Variants in SPECC1 observed in about 807,000 individuals in gnomAD.
SPECC1 encodes the protein sperm antigen with calponin homology and coiled-coil domains 1.
In SPECC1, 62 loss-of-function variants were observed where a neutral mutation model predicts 104.1. The observed-to-expected ratio is 0.60, with a 90% confidence interval of 0.49 to 0.74. SPECC1 has a LOEUF of 0.74. Among genes scored for constraint, SPECC1 ranks in the 30% least tolerant of loss-of-function variants. The probability of loss-of-function intolerance (pLI) is 0.00; values close to 1 mark genes in which losing one functional copy is unlikely to be tolerated. For missense variants in SPECC1, 1,306 were observed against 1,310.5 expected (o/e 1.00, Z 0.05); for synonymous variants, 513 against 501.6 (o/e 1.02, Z -0.30).
intron 2 of SPECC1, among the ~76,000 whole-genome samples, chr17:20,099,299 T>C (rs1185953080): frequency 1.3e-5 from 2 of 152,154 alleles, no homozygotes; most frequent in East Asian, 3.9e-4. Flanking sequence ...AAGCAACATA[T>C]AAACTTAGAT....
At chr17:20,120,023 TC>T (rs1215344269) in intron 3 of SPECC1, among the ~76,000 whole-genome samples, 1 of 152,130 alleles carries the variant, frequency 6.6e-6, no homozygotes, top group African/African-American at 2.4e-5. Context: ...AAATCAGAAA[TC>T]CAGAACACTT....
intron 1 of SPECC1, among the ~76,000 whole-genome samples, chr17:20,091,285 G>A (rs535788481): frequency 6.6e-6 from 1 of 152,210 alleles, no homozygotes; most frequent in East Asian, 1.9e-4. Context: ...CTGAAGTCTG[G>A]GATTCCGTCA....
At chr17:20,185,438 T>TG (rs949375413) in intron 3 of SPECC1, among the ~76,000 whole-genome samples, 8 of 152,216 alleles carry the variant, frequency 5.3e-5, no homozygotes, top group African/African-American at 1.9e-4. Flanking sequence ...GCTACCATGC[T>TG]GGGGAGACTA....
chr17:20,082,059 C>T (rs920622847), intron 1 of SPECC1, among the ~76,000 whole-genome samples: 10 of 152,228 alleles, frequency 6.6e-5, no homozygotes, highest in South Asian at 6.2e-4. Flanking sequence ...CGTTCTGGGC[C>T]TCCGCCATCC....
At chr17:20,254,134 CGTGTGTGTGT>C (rs71357419) in intron 10 of SPECC1, among the ~76,000 whole-genome samples, 65 of 135,970 alleles carry the variant, frequency 4.8e-4, no homozygotes, top group Middle Eastern at 3.7e-3. Flanking sequence ...GTTGTTACAC[CGTGTGTGTGT>C]GTGTGTGTGT....
intron 1 of SPECC1, among the ~76,000 whole-genome samples, chr17:20,035,977 A>G (rs999200560): frequency 5.3e-5 from 8 of 151,104 alleles, no homozygotes; most frequent in African/African-American, 1.9e-4. Flanking sequence ...ATGCCTGGCT[A>G]ATTTATATAT....
intron 5 of SPECC1, among the ~76,000 whole-genome samples, chr17:20,227,965 G>A (rs1290642390): frequency 1.3e-5 from 2 of 151,994 alleles, no homozygotes; most frequent in Admixed American, 6.6e-5. Flanking sequence ...AGTGGGTGAC[G>A]AGGGGGGGTG....
At chr17:20,218,144 C>CTGTA (rs2037626166) in intron 4 of SPECC1, among the ~76,000 whole-genome samples, 1 of 152,178 alleles carries the variant, frequency 6.6e-6, no homozygotes, top group African/African-American at 2.4e-5. Flanking sequence ...TCAAACTGAC[C>CTGTA]TGTATTATAT....
At chr17:20,013,874 G>C (rs1265744067) in intron 1 of SPECC1, among the ~76,000 whole-genome samples, 1 of 151,994 alleles carries the variant, frequency 6.6e-6, no homozygotes, top group Non-Finnish European at 1.5e-5. Flanking sequence ...ATTTGACTTT[G>C]ATTGGCAGTT....
At chr17:20,253,872 T>G (rs2039725020) in intron 10 of SPECC1, among the ~76,000 whole-genome samples, 1 of 152,034 alleles carries the variant, frequency 6.6e-6, no homozygotes, top group Non-Finnish European at 1.5e-5. Context: ...TTGCTTTGTT[T>G]CCCAGGCTGG....
chr17:20,262,417 A>G (rs561606520), intron 12 of SPECC1, among the ~76,000 whole-genome samples: 2 of 152,322 alleles, frequency 1.3e-5, no homozygotes, highest in Admixed American at 1.3e-4. Context: ...TCTCTCCAGC[A>G]ATTTATGAGA....
chr17:20,314,866 T>G lies in SPECC1; in HGVS notation c.*801T>G. 1 of 231,722 alleles carries G rather than the reference T, an allele frequency of 4.3e-6. No homozygotes were observed. Among genetic ancestry groups the G allele is most frequent in the East Asian group, 6.1e-5 (1 of 16,416 alleles). 14.4% of individuals were successfully genotyped at this position (231,722 alleles called of 1,614,324 possible). ...TCACCATCCCTTATTTGATTTATTG[T>G]AGCAAAAGGAAAGCCTGTGAGAATG... On this transcript the variant is annotated 3_prime_UTR_variant, in exon 15 of 15. Transcript: ENST00000395527.
At chr17:20,080,114 G>C (rs993578893) in intron 1 of SPECC1, among the ~76,000 whole-genome samples, 1 of 152,098 alleles carries the variant, frequency 6.6e-6, no homozygotes, top group Non-Finnish European at 1.5e-5. Flanking sequence ...GGACTTAACC[G>C]CAAGTGAGAA....
rs111759927 is a variant in SPECC1, at chr17:20,207,039, G to C, written c.1863+1127G>C. 3.1e-4 allele frequency among the ~76,000 whole-genome samples: 47 copies of C among 152,292 alleles called. 3 individuals carry two copies. Among genetic ancestry groups the C allele is most frequent in the African/African-American group, 1.1e-3 (46 of 41,570 alleles). The stretch of plus-strand genomic sequence containing the variant: ...TTTATGATATTCTGCCCACCTCCCA[G>C]AGCAGTGCTGGAGAGGTGCAGAGAG... On this transcript the variant is annotated intron_variant, in intron 4 of 14. Coordinates refer to ENST00000395527, the MANE Select transcript of SPECC1 (RefSeq NM_001243439.2).
chr17:20,232,206 A>T lies in SPECC1; in HGVS notation c.2152A>T (p.Thr718Ser). ...TGGGCTCTGACATTTTCAGGAGGAG[A>T]CCGAGGAATGGAGGCGGTTCCAGGC... ...KTLTKQMKEE[T>S]EEWRRFQADL... Residue 718 changes from threonine (T) to serine (S), a missense_variant, in exon 7 of 15, where the codon ACC (threonine) becomes TCC (serine). Transcript: ENST00000395527. 2.5e-6 allele frequency: 4 copies of T among 1,613,888 alleles called. No individual in the cohort carries two copies. The highest frequency in any genetic ancestry group is 3.4e-6 in the Non-Finnish European group (4 of 1,180,020).
intron 1 of SPECC1, among the ~76,000 whole-genome samples, chr17:20,043,986 T>G (rs1486064327): frequency 2.0e-5 from 3 of 152,172 alleles, no homozygotes; most frequent in African/African-American, 7.2e-5. Context: ...AATTTTTATA[T>G]TCACAGTATT....
At chr17:20,253,953 C>T (rs2039727789) in intron 10 of SPECC1, among the ~76,000 whole-genome samples, 1 of 152,238 alleles carries the variant, frequency 6.6e-6, no homozygotes, top group African/African-American at 2.4e-5. Context: ...AGGTGTGAGC[C>T]ACTGTGCCTG....
intron 12 of SPECC1, among the ~76,000 whole-genome samples, chr17:20,280,438 C>T (rs1470272371): frequency 1.3e-5 from 2 of 152,214 alleles, no homozygotes; most frequent in African/African-American, 4.8e-5. Flanking sequence ...CATCCAGTCC[C>T]TTGGTCTCTA....
chr17:20,157,906 C>T (rs984285205), intron 3 of SPECC1, among the ~76,000 whole-genome samples: 7 of 152,212 alleles, frequency 4.6e-5, no homozygotes, highest in African/African-American at 1.7e-4. Flanking sequence ...TCCAGCACCT[C>T]TCCTCCGTCA....
Sources: gnomAD v4.1 joint callset for allele counts (sites outside exome capture counted in the v4.1 genomes callset) on GRCh38, gnomAD v4.1.1 for gene constraint, MANE v1.5 for transcripts, NCBI Gene and HGNC (gene_info 2026-07-23, HGNC 2026-07-21) for gene names.